Variants in WWOX observed in about 807,000 individuals in gnomAD.
The protein encoded by WWOX is WW domain-containing oxidoreductase.
WWOX carries 69 observed loss-of-function variants against 46.2 expected under a neutral mutation model. That is an observed-to-expected ratio of 1.49 (90% CI 1.23 to 1.82). The LOEUF (loss-of-function observed/expected upper bound fraction) is 1.82. Among genes scored for constraint, WWOX ranks in the 40% most tolerant of loss-of-function variants. The probability of loss-of-function intolerance (pLI) is 0.00; values close to 1 mark genes in which losing one functional copy is unlikely to be tolerated. For synonymous variants in WWOX, 359 were observed against 202.6 expected (o/e 1.77, Z -6.56); for missense variants, 919 against 542.6 (o/e 1.69, Z -6.89).
chr16:78,684,586 G>A (rs1295110782), intron 8 of WWOX, among the ~76,000 whole-genome samples: 1 of 152,158 alleles, frequency 6.6e-6, no homozygotes, highest in African/African-American at 2.4e-5. Flanking sequence ...CATCCCTGGG[G>A]TGGAGAAGCC....
chr16:78,329,048 A>G (rs566082683), intron 5 of WWOX, among the ~76,000 whole-genome samples: 2 of 152,012 alleles, frequency 1.3e-5, no homozygotes, highest in South Asian at 2.1e-4. Flanking sequence ...TTTTCGTAGG[A>G]CGAGGTTTCA....
intron 8 of WWOX, among the ~76,000 whole-genome samples, chr16:78,595,295 T>C (rs2045461579): frequency 6.8e-6 from 1 of 146,120 alleles, no homozygotes; most frequent in Non-Finnish European, 1.5e-5. Flanking sequence ...GTCTTTTTTT[T>C]TTTCCTCCTT....
In WWOX at chr16:78,293,978, G is replaced by GAAAAAA. The variant is rs35079271; in HGVS notation, c.517-92855_517-92850dup. On this transcript the variant is annotated intron_variant, in intron 5 of 8. Transcript: ENST00000566780. ...GGCGACAGAGTGAGACTCTGTCTCA[G>GAAAAAA]AAAAAAAAAAAAAAAAAAAAAAAAA... 7.6e-4 allele frequency among the ~76,000 whole-genome samples: 23 copies of GAAAAAA among 30,310 alleles called. 1 individual carries two copies. The highest frequency in any genetic ancestry group is 2.1e-3 in the South Asian group (1 of 478). 19.9% of individuals were successfully genotyped at this position (30,310 alleles called of 152,430 possible).
chr16:78,622,329 G>A (rs2046209572), intron 8 of WWOX, among the ~76,000 whole-genome samples: 1 of 152,012 alleles, frequency 6.6e-6, no homozygotes, highest in Admixed American at 6.6e-5. Context: ...GATCACCTGA[G>A]GTCAGGAGTT....
intron 8 of WWOX, among the ~76,000 whole-genome samples, chr16:79,148,872 G>C (rs7204022): frequency 0.34 from 51,205 of 151,854 alleles, 8,860 homozygotes; most frequent in East Asian, 0.48. Flanking sequence ...GATCCTATGA[G>C]CTTGCTGATT....
At chr16:78,704,924 T>TC (rs947466298) in intron 8 of WWOX, among the ~76,000 whole-genome samples, 1 of 151,248 alleles carries the variant, frequency 6.6e-6, no homozygotes, top group African/African-American at 2.4e-5. Context: ...CAACTTGTTT[T>TC]TTTTTTTTTT....
chr16:78,155,416 T>A (rs1013505121), intron 4 of WWOX, among the ~76,000 whole-genome samples: 18 of 152,204 alleles, frequency 1.2e-4, no homozygotes, highest in Non-Finnish European at 1.5e-4. Flanking sequence ...AAGTAGGTAT[T>A]TAAATTACTT....
intron 8 of WWOX, among the ~76,000 whole-genome samples, chr16:78,981,292 T>C (rs2046676383): frequency 1.3e-5 from 2 of 151,994 alleles, no homozygotes; most frequent in African/African-American, 4.8e-5. Flanking sequence ...AGCCATCTAA[T>C]GATCTTTACG....
chr16:79,056,298 C>T (rs970569058), intron 8 of WWOX, among the ~76,000 whole-genome samples: 1 of 151,758 alleles, frequency 6.6e-6, no homozygotes, highest in Non-Finnish European at 1.5e-5. Context: ...GAAAATAGAA[C>T]CCCTGAAGAA....
intron 8 of WWOX, chr16:78,873,537 A>G (rs1300875011): frequency 6.6e-6 from 1 of 152,238 alleles, no homozygotes; most frequent in East Asian, 1.9e-4. Context: ...TTGTAATCCC[A>G]GCACTTTTGG....
chr16:78,519,333 A>C (rs2043300981), intron 8 of WWOX, among the ~76,000 whole-genome samples: 1 of 152,252 alleles, frequency 6.6e-6, no homozygotes, highest in East Asian at 1.9e-4. Context: ...TGCTCTGGTA[A>C]TAGTCATCTT....
chr16:79,108,085 G>C (rs565646701), intron 8 of WWOX, among the ~76,000 whole-genome samples: 8 of 152,262 alleles, frequency 5.3e-5, no homozygotes, highest in Admixed American at 3.3e-4. Flanking sequence ...CTATTATCAG[G>C]ATTTTCTACA....
intron 8 of WWOX, among the ~76,000 whole-genome samples, chr16:78,874,245 G>T (rs1240659377): frequency 7.1e-6 from 1 of 141,348 alleles, no homozygotes; most frequent in Non-Finnish European, 1.5e-5. Flanking sequence ...GACAGAGCGA[G>T]ACTCTGTCTC....
rs373849793 is a variant in WWOX at position 78,825,887 on chromosome 16, C to T, written c.1057-385721C>T. 45 of 686,944 alleles carry T rather than the reference C, an allele frequency of 6.6e-5. No individual in the cohort carries two copies. The East Asian group carries it at 1.1e-3, about 16-fold the overall frequency. 42.6% of individuals were successfully genotyped at this position (686,944 alleles called of 1,614,324 possible). On this transcript the variant is annotated intron_variant, in intron 8 of 8. Coordinates refer to ENST00000566780, the MANE Select transcript of WWOX (RefSeq NM_016373.4). The stretch of plus-strand genomic sequence containing the variant: ...TAAGACTGGCCCTAAGAAGCCTCTG[C>T]CTGACCACGTGAGCATCATGGAACC...
intron 5 of WWOX, among the ~76,000 whole-genome samples, chr16:78,311,671 A>T (rs2151875232): frequency 6.6e-6 from 1 of 152,320 alleles, no homozygotes; most frequent in East Asian, 1.9e-4. Context: ...AGAGATGGGG[A>T]GTAGGAGAAG....
chr16:78,441,061 G>C (rs1567575138), intron 8 of WWOX, among the ~76,000 whole-genome samples: 1 of 152,102 alleles, frequency 6.6e-6, no homozygotes, highest in Non-Finnish European at 1.5e-5. Flanking sequence ...TCCTGTGTCA[G>C]CCTCCTGAGT....
chr16:78,421,560 A>C (rs537737112), intron 6 of WWOX, among the ~76,000 whole-genome samples: 180 of 152,078 alleles, frequency 1.2e-3, no homozygotes, highest in African/African-American at 4.1e-3. Flanking sequence ...CTACCATTCA[A>C]CTCACTATGG....
rs189762189 is a variant in WWOX, at chr16:78,509,176, C to T, written c.1056+76424C>T. Among the ~76,000 whole-genome samples the T allele has an allele frequency of 5.1e-3, 775 of 152,324 alleles. 3 individuals are homozygous for T. The highest frequency in any genetic ancestry group is 7.7e-3 in the Non-Finnish European group (527 of 68,026). On this transcript the variant is annotated intron_variant, in intron 8 of 8. Transcript: ENST00000566780. ...GAAGCTTGCCGGGCATGGTGGTTCA[C>T]GCCTGTAATCCCAGCCCTTTGGGAG... is the stretch of plus-strand genomic sequence containing the variant.
intron 8 of WWOX, among the ~76,000 whole-genome samples, chr16:78,515,203 G>A (rs368872127): frequency 6.6e-6 from 1 of 152,236 alleles, no homozygotes; most frequent in South Asian, 2.1e-4. Context: ...CAGCCTAGGC[G>A]ACAGAGCGAG....
Sources: allele counts gnomAD v4.1 joint callset (sites outside exome capture counted in the v4.1 genomes callset), GRCh38; gene constraint gnomAD v4.1.1; transcripts MANE v1.5; gene names NCBI Gene and HGNC (gene_info 2026-07-23, HGNC 2026-07-21).